The following PVALEF variants were observed in gnomAD, a reference collection of about 807,000 sequenced individuals.
PVALEF encodes the protein parvalbumin like EF-hand containing.
In PVALEF, 2 loss-of-function variants were observed where a neutral mutation model predicts 1.2. The observed-to-expected ratio is 1.68, with a 90% CI of 0.69 to 5.28. The LOEUF (loss-of-function observed/expected upper bound fraction) is 5.28. Among genes scored for constraint, PVALEF ranks in the 30% most tolerant of loss-of-function variants. PVALEF has a pLI of 0.06. For synonymous variants in PVALEF, 16 were observed against 6.5 expected (o/e 2.47, Z -2.24); for missense variants, 35 against 17.7 (o/e 1.97, Z -1.75).
intron 2 of PVALEF, among the ~76,000 whole-genome samples, chr17:81,168,045 C>T (rs2061505535): frequency 6.6e-6 from 1 of 152,184 alleles, no homozygotes. Context: ...TCTGGGTCCC[C>T]TGTCAGGGCC....
chr17:81,179,218 G>C, intron 3 of PVALEF, 66 bp downstream of exon 3: 1 of 273,226 alleles, frequency 3.7e-6, no homozygotes, highest in Admixed American at 4.7e-5. Flanking sequence ...TGGATGGTGG[G>C]AACTTGGAGG....
In PVALEF at chr17:81,165,599, C is replaced by A. The variant is rs973002738; in HGVS notation, c.-656C>A. On this transcript the variant is annotated 5_prime_UTR_variant, in exon 1 of 7. Coordinates refer to ENST00000637878, the MANE Select transcript of PVALEF (RefSeq NM_001354639.2). ...GCCTGAACCCCAGCTGGCTGACACCCCCCACACCCCCAAGGGCCCTTAGTC... is the reference window on the plus strand; with the variant it reads ...GCCTGAACCCCAGCTGGCTGACACCACCCACACCCCCAAGGGCCCTTAGTC... The A allele has an allele frequency of 1.2e-5, 17 of 1,386,268 alleles. No individual in the cohort carries two copies. Among genetic ancestry groups the A allele is most frequent in the Admixed American group, 2.1e-5 (1 of 46,684 alleles). 85.9% of individuals were successfully genotyped at this position (1,386,268 alleles called of 1,614,324 possible).
intron 3 of PVALEF, among the ~76,000 whole-genome samples, chr17:81,180,002 C>T (rs1357069511): frequency 1.3e-5 from 2 of 152,178 alleles, no homozygotes; most frequent in Non-Finnish European, 2.9e-5. Flanking sequence ...CTCCCCCGGC[C>T]GGACATCCCA....
Position 81,181,224 on chromosome 17 carries a change from A to G in PVALEF, c.-3A>G, listed in dbSNP as rs1191663811. The G allele has an allele frequency of 7.1e-6, 5 of 702,852 alleles. No homozygotes were observed. Among genetic ancestry groups the G allele is most frequent in the Non-Finnish European group, 1.3e-5 (5 of 384,708 alleles). The allele number at this position is 702,852 out of a possible 1,614,324, so 43.5% of individuals were successfully genotyped here. A position where few individuals can be genotyped will look rare whatever the true frequency, so the allele number is the denominator to read the frequency against. On this transcript the variant is annotated 5_prime_UTR_variant, in exon 4 of 7. Coordinates refer to ENST00000637878, the MANE Select transcript of PVALEF (RefSeq NM_001354639.2). ...ATTGACTCCCTATCCACCCAGGACCAGGATGGAGGAGGACTTCTCCTCCCA... is the reference window on the plus strand; with the variant it reads ...ATTGACTCCCTATCCACCCAGGACCGGGATGGAGGAGGACTTCTCCTCCCA...
chr17:81,170,562 G>C (rs1362277867), intron 2 of PVALEF, among the ~76,000 whole-genome samples: 1 of 152,146 alleles, frequency 6.6e-6, no homozygotes, highest in Admixed American at 6.5e-5. Flanking sequence ...GGGAGTGCAG[G>C]GCATGGGAGG....
In PVALEF at chr17:81,165,572, A is replaced by C; in HGVS notation, c.-683A>C. The C allele has an allele frequency of 8.2e-7, 1 of 1,226,330 alleles. No homozygotes were observed. The highest frequency in any genetic ancestry group is 1.1e-6 in the Non-Finnish European group (1 of 913,828). 76.0% of individuals were successfully genotyped at this position (1,226,330 alleles called of 1,614,324 possible). Reference sequence around the variant, plus strand: ...CCCCGGACCCAGGAGAGGCCATGGAAAGCCTGAACCCCAGCTGGCTGACAC... The same window carrying C: ...CCCCGGACCCAGGAGAGGCCATGGACAGCCTGAACCCCAGCTGGCTGACAC... On this transcript the variant is annotated 5_prime_UTR_variant, in exon 1 of 7. Transcript: ENST00000637878.
chr17:81,172,005 C>T (rs1480309877), intron 2 of PVALEF, among the ~76,000 whole-genome samples: 4 of 152,182 alleles, frequency 2.6e-5, no homozygotes, highest in East Asian at 3.8e-4. Context: ...CCCCATGGAC[C>T]GGCCCATTCT....
chr17:81,165,938 CG>C (rs2061485706), intron 1 of PVALEF, 191 bp downstream of exon 1: 3 of 1,580,084 alleles, frequency 1.9e-6, no homozygotes, highest in Non-Finnish European at 2.6e-6. Flanking sequence ...AGGGACTCAC[CG>C]GGGTCGAAGT....
At chr17:81,181,909 G>A (rs920048292) in intron 5 of PVALEF, 57 bp from the exon 6 acceptor site, 1 of 398,458 alleles carries the variant, frequency 2.5e-6, no homozygotes, top group Non-Finnish European at 4.4e-6. Context: ...CGGCTCGTGA[G>A]TCACTGGGCA....
At chr17:81,176,683 G>A (rs973172082) in intron 2 of PVALEF, among the ~76,000 whole-genome samples, 6 of 151,792 alleles carry the variant, frequency 4.0e-5, no homozygotes, top group African/African-American at 1.5e-4. Context: ...CAGTGCAGCT[G>A]CCGTGGAAAC....
chr17:81,181,308 C>A lies in PVALEF; in HGVS notation c.82C>A (p.Leu28Met). 1.4e-6 allele frequency: 1 copy of A among 694,826 alleles called. No individual in the cohort carries two copies. The highest frequency in any genetic ancestry group is 2.6e-6 in the Non-Finnish European group (1 of 380,868). The allele number at this position is 694,826 out of a possible 1,614,324, so 43.0% of individuals were successfully genotyped here. A position where few individuals can be genotyped will look rare whatever the true frequency, so the allele number is the denominator to read the frequency against. The change falls in exon 4 of 7, where the codon CTG (leucine) becomes ATG (methionine). Residue 28 changes from leucine to methionine, a missense_variant. Coordinates refer to ENST00000637878, the MANE Select transcript of PVALEF (RefSeq NM_001354639.2). The stretch of plus-strand genomic sequence containing the variant: ...CCTATCAGACAAGGACATTGAGCTG[C>A]TGCCCACAGACATGAGACACCACGG... ...TSLSDKDIEL[L>M]PTDMRHHGSF...
rs1567839030 is a variant in PVALEF at position 81,183,068 on chromosome 17, C to T, written c.*57C>T. The T allele has an allele frequency of 1.5e-5, 6 of 398,674 alleles. No homozygotes were observed. Among genetic ancestry groups the T allele is most frequent in the Non-Finnish European group, 2.7e-5 (6 of 226,086 alleles). The allele number at this position is 398,674 out of a possible 1,614,324, so 24.7% of individuals were successfully genotyped here. ...TCCCATGGGGTAACCGGGGTGACCA[C>T]GCACCTGGGCAGAAGCCGTTGGGGC... On this transcript the variant is annotated 3_prime_UTR_variant, in exon 7 of 7. Transcript: ENST00000637878.
chr17:81,166,129 C>T (rs1240496228), intron 1 of PVALEF: 2 of 356,886 alleles, frequency 5.6e-6, no homozygotes, highest in Non-Finnish European at 3.8e-6. Context: ...GCGCCCCCCG[C>T]CGCAGCCGCA....
intron 2 of PVALEF, among the ~76,000 whole-genome samples, chr17:81,169,328 A>G (rs763475756): frequency 8.6e-5 from 13 of 151,930 alleles, no homozygotes; most frequent in East Asian, 1.9e-4. Context: ...GGCCGGGCGC[A>G]GTGGCTCACG....
intron 2 of PVALEF, among the ~76,000 whole-genome samples, chr17:81,171,880 A>G (rs1298858165): frequency 6.6e-6 from 1 of 152,152 alleles, no homozygotes; most frequent in African/African-American, 2.4e-5. Context: ...TATTCACAAC[A>G]TTGCGCCCCC....
chr17:81,169,094 G>A (rs2061509029), intron 2 of PVALEF, among the ~76,000 whole-genome samples: 1 of 152,194 alleles, frequency 6.6e-6, no homozygotes, highest in Admixed American at 6.5e-5. Flanking sequence ...CAAATCCACG[G>A]GACAGAGCAC....
At chr17:81,177,321 G>A (rs1038540813) in intron 2 of PVALEF, among the ~76,000 whole-genome samples, 1 of 150,874 alleles carries the variant, frequency 6.6e-6, no homozygotes, top group Admixed American at 6.6e-5. Context: ...GCTGAGGCAG[G>A]CAGATCACCT....
In PVALEF at chr17:81,181,652, TGGACAA is replaced by T. The variant is rs1330606279; in HGVS notation, c.208_213del (p.Asp70_Lys71del). 5 of 411,738 alleles carry T rather than the reference TGGACAA, an allele frequency of 1.2e-5. No individual in the cohort carries two copies. Among genetic ancestry groups the T allele is most frequent in the African/African-American group, 2.0e-5 (1 of 48,878 alleles). 25.5% of individuals were successfully genotyped at this position (411,738 alleles called of 1,614,324 possible). A position where few individuals can be genotyped will look rare whatever the true frequency, so the allele number is the denominator to read the frequency against. On this transcript the variant is annotated inframe_deletion, in exon 5 of 7. Coordinates refer to ENST00000637878, the MANE Select transcript of PVALEF (RefSeq NM_001354639.2). ...GCCATCCACACGGCCTTCCAGTCCC[TGGACAA>T]GGACAAGAGTGGCTTCATTGAGTGG...
rs973419197 is a variant in PVALEF, at chr17:81,165,839, G to C, written c.-508+92G>C. Reference sequence around the variant, plus strand: ...GCTGCTGGGCTCGGGGCGGGGAAAGGGTTAATTTCCATGCAAACCGGGAGC... The same window carrying C: ...GCTGCTGGGCTCGGGGCGGGGAAAGCGTTAATTTCCATGCAAACCGGGAGC... On this transcript the variant is annotated intron_variant, in intron 1 of 6. Coordinates refer to ENST00000637878, the MANE Select transcript of PVALEF (RefSeq NM_001354639.2). 5.2e-6 allele frequency: 8 copies of C among 1,525,390 alleles called. No homozygotes were observed. In the African/African-American group the frequency reaches 8.3e-5, roughly 16 times the overall value. 94.5% of individuals were successfully genotyped at this position (1,525,390 alleles called of 1,614,324 possible).
Sources: gnomAD v4.1 joint callset for allele counts (sites outside exome capture counted in the v4.1 genomes callset) on GRCh38, gnomAD v4.1.1 for gene constraint, MANE v1.5 for transcripts, NCBI Gene and HGNC (gene_info 2026-07-23, HGNC 2026-07-21) for gene names.